CNTN5: variants seen among roughly 807,000 people sequenced by gnomAD.
CNTN5 encodes the protein contactin-5.
In CNTN5, 77 loss-of-function variants were observed where a neutral mutation model predicts 129.1. The ratio of observed to expected loss-of-function variants is 0.60; its 90% CI spans 0.50 to 0.72. The LOEUF is 0.72. Ranked by LOEUF, CNTN5 falls within the 30% of genes least tolerant of loss-of-function variation. The pLI is 0.00. For missense variants in CNTN5, 1,478 were observed against 1,328.8 expected, an observed-to-expected ratio of 1.11 and a Z score of -1.75; for synonymous variants, 509 against 465.6, an observed-to-expected ratio of 1.09 and a Z score of -1.20.
At chr11:99,664,604 C>G (rs1021919744) in intron 3 of CNTN5, among the ~76,000 whole-genome samples, 1 of 152,118 alleles carries the variant, frequency 6.6e-6, no homozygotes, top group African/African-American at 2.4e-5. Context: ...ATAATTTTCT[C>G]TAATATTAGA....
intron 2 of CNTN5, among the ~76,000 whole-genome samples, chr11:99,506,221 C>T (rs1477197360): frequency 3.3e-5 from 5 of 152,184 alleles, no homozygotes; most frequent in African/African-American, 1.2e-4. Context: ...GGGGCCCTTG[C>T]TCAGGATCGT....
Position 99,433,371 on chromosome 11 carries a change from A to AATGTGTGTGTGTG in CNTN5, c.-71+107887_-71+107888insATGTGTGTGTGTG, listed in dbSNP as rs1555143805. ...TTGTAGTTTATCTGGTAAAAAAAAA[A>AATGTGTGTGTGTG]TGTGTGTGTGTGTGTGTGTGTGTGT... On this transcript the variant is annotated intron_variant, in intron 2 of 24. Transcript: ENST00000524871. Among the ~76,000 whole-genome samples the AATGTGTGTGTGTG allele has an allele frequency of 5.9e-4, 83 of 140,892 alleles. 1 individual carries two copies. Among genetic ancestry groups the AATGTGTGTGTGTG allele is most frequent in the Admixed American group, 1.9e-3 (26 of 13,920 alleles). 92.4% of individuals were successfully genotyped at this position (140,892 alleles called of 152,430 possible).
chr11:99,593,472 A>G (rs1262738548), intron 3 of CNTN5, among the ~76,000 whole-genome samples: 1 of 152,184 alleles, frequency 6.6e-6, no homozygotes, highest in Non-Finnish European at 1.5e-5. Flanking sequence ...TACTTTTATT[A>G]AAAGTATGTA....
chr11:99,929,481 T>C (rs1053103272), intron 7 of CNTN5, among the ~76,000 whole-genome samples: 1 of 152,094 alleles, frequency 6.6e-6, no homozygotes, highest in Non-Finnish European at 1.5e-5. Flanking sequence ...GACTGAGTAA[T>C]TGATAAAGGA....
intron 13 of CNTN5, among the ~76,000 whole-genome samples, chr11:100,124,960 G>A (rs141444109): frequency 9.2e-5 from 14 of 152,196 alleles, no homozygotes; most frequent in East Asian, 7.7e-4. Flanking sequence ...AAATACAGAC[G>A]TCTGAGTCTC....
At chr11:99,786,019 A>C (rs920922809) in intron 3 of CNTN5, among the ~76,000 whole-genome samples, 1 of 151,892 alleles carries the variant, frequency 6.6e-6, no homozygotes, top group African/African-American at 2.4e-5. Flanking sequence ...ATCAGGCAAG[A>C]GAAAGAAATA....
At chr11:99,208,890 G>A (rs1426517021) in intron 1 of CNTN5, among the ~76,000 whole-genome samples, 1 of 152,076 alleles carries the variant, frequency 6.6e-6, no homozygotes, top group Non-Finnish European at 1.5e-5. Context: ...TAAAGATTAA[G>A]AGAAACAACT....
intron 3 of CNTN5, among the ~76,000 whole-genome samples, chr11:99,674,787 C>T (rs1024754440): frequency 1.3e-5 from 2 of 152,104 alleles, no homozygotes; most frequent in Non-Finnish European, 2.9e-5. Flanking sequence ...CTAATAACAC[C>T]ATCTTCTCCA....
chr11:100,303,335 A>G (rs1421915767), intron 20 of CNTN5, among the ~76,000 whole-genome samples: 4 of 151,644 alleles, frequency 2.6e-5, no homozygotes, highest in Admixed American at 2.0e-4. Flanking sequence ...CTCAAAATGC[A>G]TGGTAAAACT....
chr11:99,865,983 G>C lies in CNTN5; in HGVS notation c.577+20721G>C, dbSNP rs78172110. Among the ~76,000 whole-genome samples the C allele has an allele frequency of 7.4e-3, 1,119 of 152,146 alleles. 58 individuals are homozygous for C. The East Asian group carries it at 0.12, about 17-fold the overall frequency. On this transcript the variant is annotated intron_variant, in intron 6 of 24. Coordinates refer to ENST00000524871, the MANE Select transcript of CNTN5 (RefSeq NM_014361.4). ...TTTATATTTTTTAAAAAATTCACTT[G>C]TTTTTCTCGAGAATTTGTGACTGAT...
chr11:99,840,515 T>C (rs1405148222), intron 4 of CNTN5, among the ~76,000 whole-genome samples: 1 of 151,740 alleles, frequency 6.6e-6, no homozygotes, highest in African/African-American at 2.4e-5. Flanking sequence ...ACAATTCTTT[T>C]CTAAGAAAAA....
intron 1 of CNTN5, among the ~76,000 whole-genome samples, chr11:99,088,622 G>A (rs1048399333): frequency 4.6e-5 from 7 of 152,098 alleles, no homozygotes; most frequent in African/African-American, 1.7e-4. Flanking sequence ...CATGAGAAAA[G>A]GTTGCCTCCC....
intron 13 of CNTN5, among the ~76,000 whole-genome samples, chr11:100,090,431 G>T (rs12795281): frequency 0.23 from 33,488 of 146,820 alleles, 4,272 homozygotes; most frequent in South Asian, 0.33. Context: ...CTGCCTGCCT[G>T]CCTTCCTTCC....
At chr11:99,450,884 A>G (rs1292536147) in intron 2 of CNTN5, among the ~76,000 whole-genome samples, 1 of 151,596 alleles carries the variant, frequency 6.6e-6, no homozygotes, top group African/African-American at 2.4e-5. Context: ...TTGCAAATAC[A>G]GAATCTGGGA....
intron 1 of CNTN5, among the ~76,000 whole-genome samples, chr11:99,208,714 G>T (rs2135661068): frequency 6.6e-6 from 1 of 152,200 alleles, no homozygotes; most frequent in Non-Finnish European, 1.5e-5. Context: ...AGGGAAGTGG[G>T]ATTCAAACAC....
At chr11:99,323,687 AT>A (rs1865664512) in intron 1 of CNTN5, among the ~76,000 whole-genome samples, 1 of 152,118 alleles carries the variant, frequency 6.6e-6, no homozygotes, top group African/African-American at 2.4e-5. Context: ...ACAATCCAAG[AT>A]GAAAAAAACA....
chr11:100,146,667 T>G (rs1318463276), intron 13 of CNTN5, among the ~76,000 whole-genome samples: 1 of 152,148 alleles, frequency 6.6e-6, no homozygotes, highest in African/African-American at 2.4e-5. Context: ...GTAGATCATA[T>G]TCACTGTTGA....
intron 3 of CNTN5, among the ~76,000 whole-genome samples, chr11:99,622,938 C>T (rs1951002128): frequency 6.6e-6 from 1 of 152,068 alleles, no homozygotes. Flanking sequence ...ACACAGTCCT[C>T]TCGCTTTAAC....
intron 6 of CNTN5, among the ~76,000 whole-genome samples, chr11:99,854,180 G>C (rs1017421875): frequency 1.3e-5 from 2 of 152,040 alleles, no homozygotes; most frequent in Non-Finnish European, 2.9e-5. Flanking sequence ...TGGAATACCT[G>C]ACCACTTTTT....
Sources: allele counts gnomAD v4.1 joint callset (sites outside exome capture counted in the v4.1 genomes callset), GRCh38; gene constraint gnomAD v4.1.1; transcripts MANE v1.5; gene names NCBI Gene and HGNC (gene_info 2026-07-23, HGNC 2026-07-21).